AP4S1: variants seen among roughly 807,000 people sequenced by gnomAD.
AP4S1 encodes the protein adaptor related protein complex 4 subunit sigma 1.
In AP4S1, 23 loss-of-function variants were observed where a neutral mutation model predicts 19.8. The ratio of observed to expected loss-of-function variants is 1.16; its 90% CI spans 0.84 to 1.65. The LOEUF (loss-of-function observed/expected upper bound fraction) is 1.65. AP4S1 is among the 40% of genes most tolerant of loss of function. AP4S1 has a pLI of 0.00. For missense variants in AP4S1, 166 were observed against 172.8 expected (o/e 0.96, Z 0.22); for synonymous variants, 46 against 54.1 (o/e 0.85, Z 0.66).
intron 1 of AP4S1, among the ~76,000 whole-genome samples, chr14:31,029,743 G>A (rs1183323610): frequency 6.6e-6 from 1 of 151,626 alleles, no homozygotes; most frequent in African/African-American, 2.4e-5. Flanking sequence ...CCTGAGCCCA[G>A]GAGGTCCAGG....
rs557132648 is a variant in AP4S1 at position 31,066,282 on chromosome 14, C to T, written c.86C>T (p.Thr29Ile). Residue 29 changes from threonine (T) to isoleucine (I), a missense_variant, in exon 2 of 6, where the codon ACA becomes ATA. Transcript: ENST00000542754. ...GAACATGTGGATATTAATAAGCGTA[C>T]ACTTCTGGAAACAGAAGTCATAAAG... The part of the protein sequence containing the change: ...YYEHVDINKR[T>I]LLETEVIKSC... 7 of 1,613,894 alleles carry T rather than the reference C, an allele frequency of 4.3e-6. No individual in the cohort carries two copies. In the African/African-American group the frequency reaches 8.0e-5, roughly 18 times the overall value.
At chr14:31,026,191 G>GT in intron 1 of AP4S1, 2 of 1,430,018 alleles carry the variant, frequency 1.4e-6, no homozygotes, top group Non-Finnish European at 1.8e-6. Flanking sequence ...TCCATTGTGT[G>GT]TGGGGCCCCG....
chr14:31,077,921 A>G (rs974217575), intron 4 of AP4S1, among the ~76,000 whole-genome samples: 1 of 151,548 alleles, frequency 6.6e-6, no homozygotes, highest in African/African-American at 2.4e-5. Context: ...TTTTTAGTAG[A>G]GTTAGGGTTT....
intron 1 of AP4S1, among the ~76,000 whole-genome samples, chr14:31,064,668 G>A (rs1170319936): frequency 6.6e-6 from 1 of 152,032 alleles, no homozygotes; most frequent in East Asian, 1.9e-4. Context: ...TTAAAGTAAG[G>A]ATAACAGACT....
At chr14:31,082,059 T>C (rs748420811) in intron 5 of AP4S1, among the ~76,000 whole-genome samples, 25 of 152,126 alleles carry the variant, frequency 1.6e-4, no homozygotes, top group Non-Finnish European at 3.7e-4. Flanking sequence ...TGCATCCACT[T>C]AGTATTTCTG....
chr14:31,075,822 C>A (rs1350436326), intron 4 of AP4S1, among the ~76,000 whole-genome samples: 1 of 151,938 alleles, frequency 6.6e-6, no homozygotes, highest in East Asian at 1.9e-4. Context: ...TCACCACAAC[C>A]TCCACCTCCC....
chr14:31,034,710 C>T (rs964530019), intron 1 of AP4S1, among the ~76,000 whole-genome samples: 10 of 150,666 alleles, frequency 6.6e-5, no homozygotes, highest in South Asian at 6.3e-4. Flanking sequence ...CTCCGCCTCC[C>T]GGGTTCAAGC....
intron 1 of AP4S1, among the ~76,000 whole-genome samples, chr14:31,045,088 G>T (rs1885318614): frequency 6.6e-6 from 1 of 151,800 alleles, no homozygotes; most frequent in Non-Finnish European, 1.5e-5. Flanking sequence ...TTTTAGTAGA[G>T]ACGGGGTTTC....
chr14:31,085,516 G>C (rs1282629260), intron 5 of AP4S1: 19 of 985,652 alleles, frequency 1.9e-5, no homozygotes, highest in Non-Finnish European at 2.3e-5. Flanking sequence ...GCTCACGCCA[G>C]TAATCCCAGC....
intron 2 of AP4S1, among the ~76,000 whole-genome samples, chr14:31,067,762 G>T (rs1886802864): frequency 6.6e-6 from 1 of 151,326 alleles, no homozygotes; most frequent in African/African-American, 2.4e-5. Flanking sequence ...CAAGTGATCT[G>T]CCTGCCTCGG....
chr14:31,072,647 G>A (rs899280366), intron 3 of AP4S1, among the ~76,000 whole-genome samples: 1 of 152,204 alleles, frequency 6.6e-6, no homozygotes, highest in Admixed American at 6.5e-5. Context: ...CTAGGATTAC[G>A]GATATGAACC....
intron 2 of AP4S1, among the ~76,000 whole-genome samples, chr14:31,069,253 A>C (rs1473022255): frequency 2.0e-5 from 3 of 152,224 alleles, no homozygotes; most frequent in African/African-American, 4.8e-5. Context: ...GCTAGTTATT[A>C]ATTCATATGA....
At chr14:31,040,987 A>C (rs1885075454) in intron 1 of AP4S1, among the ~76,000 whole-genome samples, 1 of 150,650 alleles carries the variant, frequency 6.6e-6, no homozygotes, top group Non-Finnish European at 1.5e-5. Context: ...AGGCAGGAGA[A>C]TGGTGTGAAC....
intron 5 of AP4S1, chr14:31,085,640 G>A (rs895444931): frequency 3.3e-5 from 23 of 696,682 alleles, no homozygotes; most frequent in South Asian, 6.4e-5. Context: ...GGCATTGGTG[G>A]TGTGTGCCTA....
intron 5 of AP4S1, among the ~76,000 whole-genome samples, chr14:31,086,848 T>A (rs1419959974): frequency 6.6e-6 from 1 of 152,058 alleles, no homozygotes; most frequent in African/African-American, 2.4e-5. Flanking sequence ...AACCTCACTT[T>A]TAAAAATTAA....
rs537554685 is a variant in AP4S1 at position 31,083,284 on chromosome 14, A to C, written c.306+2700A>C. 3.4e-4 allele frequency among the ~76,000 whole-genome samples: 51 copies of C among 152,160 alleles called. No individual in the cohort carries two copies. In the South Asian group the frequency reaches 0.01, roughly 30 times the overall value. On this transcript the variant is annotated intron_variant, in intron 5 of 5. Transcript: ENST00000542754. ...TTTCACCCTCTCTTCCCTTCTAACC[A>C]AGTTATATGTATTTACTGTCCTTAG... is the stretch of plus-strand genomic sequence containing the variant.
At chr14:31,053,589 C>CTTTTTTTTTTTTTTTTT (rs758966011) in intron 1 of AP4S1, among the ~76,000 whole-genome samples, 2 of 71,110 alleles carry the variant, frequency 2.8e-5, no homozygotes, top group Non-Finnish European at 2.4e-5. Context: ...TGACTTTTTT[C>CTTTTTTTTTTTTTTTTT]TTTTTTTTTT....
chr14:31,054,407 G>A (rs1324073831), intron 1 of AP4S1, among the ~76,000 whole-genome samples: 1 of 151,954 alleles, frequency 6.6e-6, no homozygotes, highest in Non-Finnish European at 1.5e-5. Flanking sequence ...GCATGGGCTG[G>A]GCCCAGTGAC....
intron 1 of AP4S1, among the ~76,000 whole-genome samples, chr14:31,062,896 G>A (rs768631374): frequency 6.6e-6 from 1 of 152,062 alleles, no homozygotes; most frequent in Non-Finnish European, 1.5e-5. Context: ...GAACCCGGGA[G>A]GCGGAGCTTG....
Sources: allele counts gnomAD v4.1 joint callset (sites outside exome capture counted in the v4.1 genomes callset), GRCh38; gene constraint gnomAD v4.1.1; transcripts MANE v1.5; gene names NCBI Gene and HGNC (gene_info 2026-07-23, HGNC 2026-07-21).